The following LRP1B variants were observed in gnomAD, a reference collection of about 807,000 sequenced individuals.
LRP1B encodes the protein LDL receptor related protein 1B.
LRP1B carries 217 observed loss-of-function variants against 556.6 expected under a neutral mutation model. The ratio of observed to expected loss-of-function variants is 0.39; its 90% CI spans 0.35 to 0.44. The LOEUF (loss-of-function observed/expected upper bound fraction) is 0.44, where lower values mean the gene tolerates loss of function less well. LRP1B is among the 20% of genes least tolerant of loss of function. LRP1B has a pLI of 1.00. For synonymous variants in LRP1B, 2,047 were observed against 1,865.8 expected (o/e 1.10, Z -2.50); for missense variants, 5,053 against 5,620.8 (o/e 0.90, Z 3.23).
intron 31 of LRP1B, among the ~76,000 whole-genome samples, chr2:140,838,527 C>T (rs1691992677): frequency 2.0e-5 from 3 of 152,066 alleles, no homozygotes; most frequent in African/African-American, 7.2e-5. Context: ...TATTGCAAAT[C>T]TTAGTGATAC....
At chr2:141,212,234 G>C (rs116057704) in intron 6 of LRP1B, among the ~76,000 whole-genome samples, 197 of 81,546 alleles carry the variant, frequency 2.4e-3, no homozygotes, top group Non-Finnish European at 3.6e-3. Flanking sequence ...AAGATATATT[G>C]ATCAAAAAGT....
chr2:140,293,718 G>C (rs959910466), intron 84 of LRP1B, among the ~76,000 whole-genome samples: 1 of 152,150 alleles, frequency 6.6e-6, no homozygotes, highest in African/African-American at 2.4e-5. Flanking sequence ...GTTTTTGTCA[G>C]CTGTTGAATT....
chr2:141,938,225 A>G (rs537234135), intron 1 of LRP1B, among the ~76,000 whole-genome samples: 1 of 152,296 alleles, frequency 6.6e-6, no homozygotes, highest in East Asian at 1.9e-4. Context: ...GTTAATTTCT[A>G]AAGTATACAA....
intron 7 of LRP1B, among the ~76,000 whole-genome samples, chr2:141,183,584 T>C (rs1681106904): frequency 6.6e-6 from 1 of 152,052 alleles, no homozygotes; most frequent in Non-Finnish European, 1.5e-5. Context: ...TTTCCCTTAT[T>C]ATTGGCATGA....
intron 7 of LRP1B, among the ~76,000 whole-genome samples, chr2:141,105,948 T>C (rs940770928): frequency 6.6e-6 from 1 of 151,844 alleles, no homozygotes; most frequent in Admixed American, 6.6e-5. Context: ...TTGAGAGCAG[T>C]GAAAGTTAAA....
At chr2:140,511,592 C>T (rs1689664247) in intron 51 of LRP1B, among the ~76,000 whole-genome samples, 2 of 152,122 alleles carry the variant, frequency 1.3e-5, no homozygotes, top group South Asian at 2.1e-4. Context: ...TGAGCCACCG[C>T]GCCCAGCCCC....
At chr2:141,771,186 A>G (rs1399592743) in intron 2 of LRP1B, among the ~76,000 whole-genome samples, 1 of 152,168 alleles carries the variant, frequency 6.6e-6, no homozygotes, top group African/African-American at 2.4e-5. Context: ...TGGATTTAGG[A>G]GCAAATAAGA....
At chr2:140,949,997 T>C (rs1462948502) in intron 20 of LRP1B, among the ~76,000 whole-genome samples, 2 of 114,364 alleles carry the variant, frequency 1.7e-5, no homozygotes, top group African/African-American at 6.1e-5. Context: ...ATTGAGTAAA[T>C]GTAGGAAACA....
intron 37 of LRP1B, 91 bp from the exon 38 acceptor site, chr2:140,702,644 G>A (rs1372253): frequency 0.17 from 191,801 of 1,104,656 alleles, 17,477 homozygotes; most frequent in African/African-American, 0.24. Context: ...AACAGCAGTA[G>A]CATTCACACT....
chr2:141,335,198 C>A (rs1183351212), intron 3 of LRP1B, among the ~76,000 whole-genome samples: 4 of 152,052 alleles, frequency 2.6e-5, no homozygotes, highest in African/African-American at 9.7e-5. Context: ...AAAAGACACA[C>A]AAAGGCAAAA....
At chr2:140,771,339 A>G (rs986407681) in intron 33 of LRP1B, among the ~76,000 whole-genome samples, 2 of 152,130 alleles carry the variant, frequency 1.3e-5, no homozygotes, top group African/African-American at 4.8e-5. Flanking sequence ...TGATTTTTAA[A>G]TTTTACTTCA....
chr2:140,657,646 T>TAC (rs1240799516), intron 41 of LRP1B, among the ~76,000 whole-genome samples: 11 of 143,508 alleles, frequency 7.7e-5, no homozygotes, highest in African/African-American at 2.3e-4. Context: ...TATACATACA[T>TAC]ATATACATAC....
chr2:141,972,539 A>G (rs113574559), intron 1 of LRP1B, among the ~76,000 whole-genome samples: 1 of 151,372 alleles, frequency 6.6e-6, no homozygotes, highest in African/African-American at 2.4e-5. Context: ...TATTTTCAAA[A>G]TTAGGCAACG....
At chr2:141,288,664 AT>A (rs1354157194) in intron 3 of LRP1B, among the ~76,000 whole-genome samples, 4 of 152,092 alleles carry the variant, frequency 2.6e-5, no homozygotes, top group Non-Finnish European at 4.4e-5. Flanking sequence ...ACACATTTTA[AT>A]TTTTTTCTTA....
At chr2:141,833,322 G>GA (rs1437522357) in intron 1 of LRP1B, among the ~76,000 whole-genome samples, 4 of 151,724 alleles carry the variant, frequency 2.6e-5, no homozygotes, top group Non-Finnish European at 5.9e-5. Flanking sequence ...AACTTGGTAA[G>GA]AAAAAAGATT....
chr2:141,273,638 A>G (rs574226203), intron 3 of LRP1B, among the ~76,000 whole-genome samples: 3 of 152,320 alleles, frequency 2.0e-5, no homozygotes, highest in African/African-American at 7.2e-5. Context: ...AGAAGAAAAA[A>G]TGTGAGTAAA....
chr2:141,311,571 G>A (rs906241508), intron 3 of LRP1B, among the ~76,000 whole-genome samples: 27 of 152,246 alleles, frequency 1.8e-4, no homozygotes, highest in South Asian at 1.5e-3. Flanking sequence ...GCTGTCAGTA[G>A]GTGGGGTATT....
chr2:140,662,877 C>T (rs561905386), intron 41 of LRP1B, among the ~76,000 whole-genome samples: 1 of 151,974 alleles, frequency 6.6e-6, no homozygotes, highest in East Asian at 1.9e-4. Flanking sequence ...TTTAGTGAGG[C>T]GCCTGCAAAT....
At chr2:141,507,185 G>A (rs1683962938) in intron 2 of LRP1B, among the ~76,000 whole-genome samples, 1 of 152,062 alleles carries the variant, frequency 6.6e-6, no homozygotes, top group African/African-American at 2.4e-5. Context: ...AATGAATTTT[G>A]AAAATAAGAT....
Sources: gnomAD v4.1 joint callset for allele counts (sites outside exome capture counted in the v4.1 genomes callset) on GRCh38, gnomAD v4.1.1 for gene constraint, MANE v1.5 for transcripts, NCBI Gene and HGNC (gene_info 2026-07-23, HGNC 2026-07-21) for gene names.